LRRC7: variants seen among roughly 807,000 people sequenced by gnomAD.
LRRC7 encodes leucine rich repeat containing 7, also known as leucine-rich repeat-containing protein 7.
LRRC7 carries 23 observed loss-of-function variants against 175.7 expected under a neutral mutation model. That is an observed-to-expected ratio of 0.13 (90% CI 0.09 to 0.19). The LOEUF (loss-of-function observed/expected upper bound fraction) is 0.19. Among genes scored for constraint, LRRC7 ranks in the 10% least tolerant of loss-of-function variants. The pLI, the probability that LRRC7 is intolerant of heterozygous loss-of-function variation, is 1.00. For synonymous variants in LRRC7, 685 were observed against 680.9 expected (o/e 1.01, Z -0.09); for missense variants, 1,354 against 1,904.7 (o/e 0.71, Z 5.38).
chr1:69,751,334 T>C (rs1669823319), intron 2 of LRRC7, among the ~76,000 whole-genome samples: 1 of 152,162 alleles, frequency 6.6e-6, no homozygotes, highest in African/African-American at 2.4e-5. Context: ...TAAGTATTTA[T>C]TACATGTCTA....
chr1:69,891,601 G>A (rs1645835083), intron 7 of LRRC7, among the ~76,000 whole-genome samples: 1 of 152,000 alleles, frequency 6.6e-6, no homozygotes, highest in African/African-American at 2.4e-5. Flanking sequence ...GTGTGGTGGT[G>A]TACATCTGTA....
chr1:69,893,361 A>G (rs539948668), intron 7 of LRRC7, among the ~76,000 whole-genome samples: 92 of 152,358 alleles, frequency 6.0e-4, no homozygotes, highest in African/African-American at 2.2e-3. Flanking sequence ...ACATGAAACA[A>G]TGCTTTCAAA....
At chr1:70,088,176 C>A (rs1170886772) in intron 24 of LRRC7, among the ~76,000 whole-genome samples, 1 of 152,122 alleles carries the variant, frequency 6.6e-6, no homozygotes, top group Non-Finnish European at 1.5e-5. Context: ...AGTGTGTCAT[C>A]TTATGTTTTT....
chr1:70,047,191 C>T (rs1660395181), intron 22 of LRRC7, among the ~76,000 whole-genome samples: 1 of 152,044 alleles, frequency 6.6e-6, no homozygotes, highest in Non-Finnish European at 1.5e-5. Context: ...TGTTTCTTCT[C>T]CTGTGGAAAT....
At chr1:69,953,277 T>G (rs1484666054) in intron 8 of LRRC7, among the ~76,000 whole-genome samples, 1 of 152,096 alleles carries the variant, frequency 6.6e-6, no homozygotes, top group African/African-American at 2.4e-5. Flanking sequence ...GCTTTTCTTA[T>G]CAGCAACTCT....
At chr1:70,013,981 A>G (rs1656748365) in intron 13 of LRRC7, 1 of 152,018 alleles carries the variant, frequency 6.6e-6, no homozygotes, top group Non-Finnish European at 1.5e-5. Context: ...TCAAAACTTC[A>G]TTTACTAGTT....
intron 15 of LRRC7, among the ~76,000 whole-genome samples, chr1:70,019,902 A>G (rs1657305966): frequency 6.6e-6 from 1 of 152,004 alleles, no homozygotes; most frequent in Non-Finnish European, 1.5e-5. Flanking sequence ...CATTATCAAA[A>G]TATTTAACTT....
chr1:69,617,951 C>T (rs1013408280), intron 1 of LRRC7, among the ~76,000 whole-genome samples: 5 of 152,042 alleles, frequency 3.3e-5, no homozygotes, highest in African/African-American at 1.2e-4. Context: ...GGGGCATAAT[C>T]AGAGGGACAT....
At chr1:69,863,829 T>C (rs930036345) in intron 7 of LRRC7, among the ~76,000 whole-genome samples, 1 of 152,170 alleles carries the variant, frequency 6.6e-6, no homozygotes, top group Non-Finnish European at 1.5e-5. Flanking sequence ...AAATGCAAAT[T>C]CAATGTCACT....
intron 4 of LRRC7, among the ~76,000 whole-genome samples, chr1:69,799,261 A>G (rs1036829537): frequency 6.6e-6 from 1 of 152,066 alleles, no homozygotes; most frequent in African/African-American, 2.4e-5. Context: ...TTAGGTGCAT[A>G]CAATGCATAG....
chr1:69,849,312 G>A (rs1682717631), intron 7 of LRRC7, among the ~76,000 whole-genome samples: 2 of 151,926 alleles, frequency 1.3e-5, no homozygotes, highest in Admixed American at 6.6e-5. Context: ...TGGCACTGTA[G>A]ATAAATGAAT....
chr1:69,654,052 A>G (rs1418368101), intron 1 of LRRC7, among the ~76,000 whole-genome samples: 2 of 152,042 alleles, frequency 1.3e-5, no homozygotes, highest in Non-Finnish European at 2.9e-5. Context: ...CAATGTGTAT[A>G]TAATTAATAA....
intron 1 of LRRC7, among the ~76,000 whole-genome samples, chr1:69,623,126 A>T (rs918248669): frequency 1.3e-5 from 2 of 152,216 alleles, no homozygotes; most frequent in African/African-American, 4.8e-5. Context: ...CCTATCTGAA[A>T]ACAAAGTTCT....
intron 3 of LRRC7, among the ~76,000 whole-genome samples, chr1:69,765,016 G>A (rs1353783571): frequency 2.0e-5 from 3 of 151,934 alleles, no homozygotes; most frequent in Non-Finnish European, 4.4e-5. Flanking sequence ...CTTCAAAGAC[G>A]TCTTCTAGGA....
In LRRC7 at chr1:70,044,110, C is replaced by T. The variant is rs1660143767; in HGVS notation, c.4110+16C>T. ...TCTTCAGAAAGTAAGTATGGACTGC[C>T]CTACATGTGTCAGCATACCAAAGCC... On this transcript the variant is annotated intron_variant, in intron 22 of 26. Coordinates refer to ENST00000651989, the MANE Select transcript of LRRC7 (RefSeq NM_001370785.2). 2 of 1,608,534 alleles carry T rather than the reference C, an allele frequency of 1.2e-6. No homozygotes were observed. The highest frequency in any genetic ancestry group is 1.7e-6 in the Non-Finnish European group (2 of 1,176,578).
chr1:69,816,850 A>G lies in LRRC7; in HGVS notation c.422-8898A>G, dbSNP rs556396994. 6.9e-4 allele frequency among the ~76,000 whole-genome samples: 105 copies of G among 152,142 alleles called. 1 individual carries two copies. Among genetic ancestry groups the G allele is most frequent in the African/African-American group, 2.3e-3 (94 of 41,520 alleles). On this transcript the variant is annotated intron_variant, in intron 4 of 26. Coordinates refer to ENST00000651989, the MANE Select transcript of LRRC7 (RefSeq NM_001370785.2). ...TAACAACTATTCTACTCTGTTTCTA[A>G]GAATTAGACTTTTTTAGATTCCCCG...
intron 7 of LRRC7, among the ~76,000 whole-genome samples, chr1:69,923,296 A>T (rs1221870200): frequency 6.6e-6 from 1 of 152,216 alleles, no homozygotes; most frequent in Non-Finnish European, 1.5e-5. Context: ...ATGTGTCTTT[A>T]TAGCAGCATG....
At position 70,136,315 on chromosome 1, in the gene LRRC7, A is replaced by G. The variant is rs1482830082; in HGVS notation, c.*14428A>G. On this transcript the variant is annotated 3_prime_UTR_variant, in exon 27 of 27. Coordinates refer to ENST00000651989, the MANE Select transcript of LRRC7 (RefSeq NM_001370785.2). ...ACTTATATTTTGAGTATTCATCCAGACCTGTAGGTTTGAATCGAGAGATGT... is the reference window on the plus strand; with the variant it reads ...ACTTATATTTTGAGTATTCATCCAGGCCTGTAGGTTTGAATCGAGAGATGT... Among the ~76,000 whole-genome samples, 1 of 151,554 alleles carries G rather than the reference A, an allele frequency of 6.6e-6. No individual in the cohort carries two copies. The highest frequency in any genetic ancestry group is 1.5e-5 in the Non-Finnish European group (1 of 67,898).
At chr1:69,935,931 G>A (rs1407610934) in intron 8 of LRRC7, among the ~76,000 whole-genome samples, 1 of 152,004 alleles carries the variant, frequency 6.6e-6, no homozygotes, top group Non-Finnish European at 1.5e-5. Flanking sequence ...TCTTCTAAAC[G>A]TTTGAAGGTT....
Sources: allele counts gnomAD v4.1 joint callset (sites outside exome capture counted in the v4.1 genomes callset), GRCh38; gene constraint gnomAD v4.1.1; transcripts MANE v1.5; gene names NCBI Gene and HGNC (gene_info 2026-07-23, HGNC 2026-07-21).